The following YAF2 variants were observed in gnomAD, a reference collection of about 807,000 sequenced individuals.
The protein encoded by YAF2 is YY1-associated factor 2.
Under a neutral mutation model 20.1 loss-of-function variants are expected in YAF2, and 7 were observed. The ratio of observed to expected loss-of-function variants is 0.35; its 90% CI spans 0.20 to 0.65. YAF2 has a LOEUF of 0.65. YAF2 is among the 30% of genes least tolerant of loss of function. The pLI is 0.69. For missense variants in YAF2, 151 were observed against 219.2 expected (o/e 0.69, Z 1.96); for synonymous variants, 74 against 76.0 (o/e 0.97, Z 0.14).
chr12:42,170,017 C>T (rs147976580), intron 2 of YAF2, among the ~76,000 whole-genome samples: 14 of 151,958 alleles, frequency 9.2e-5, no homozygotes, highest in African/African-American at 1.9e-4. Flanking sequence ...ACCACAGGCA[C>T]GCATCACCAC....
At chr12:42,179,115 G>A (rs1204860919) in intron 2 of YAF2, among the ~76,000 whole-genome samples, 2 of 152,172 alleles carry the variant, frequency 1.3e-5, no homozygotes, top group South Asian at 2.1e-4. Context: ...GATTTACTTA[G>A]ACTGGGATAG....
chr12:42,226,267 C>A (rs1455729444), intron 2 of YAF2, among the ~76,000 whole-genome samples: 1 of 152,122 alleles, frequency 6.6e-6, no homozygotes, highest in Non-Finnish European at 1.5e-5. Context: ...AAAAATGAGA[C>A]CTAATAAGTG....
chr12:42,170,032 G>T (rs759555729), intron 2 of YAF2, among the ~76,000 whole-genome samples: 1 of 151,700 alleles, frequency 6.6e-6, no homozygotes, highest in Non-Finnish European at 1.5e-5. Flanking sequence ...CACCACACCT[G>T]GGTAATTTTT....
chr12:42,174,946 T>G (rs1317728807), intron 2 of YAF2, among the ~76,000 whole-genome samples: 1 of 152,204 alleles, frequency 6.6e-6, no homozygotes. Flanking sequence ...AAAGTTTTCC[T>G]CAAAGGCATA....
intron 2 of YAF2, among the ~76,000 whole-genome samples, chr12:42,202,083 G>C: frequency 6.6e-6 from 1 of 152,090 alleles, no homozygotes; most frequent in Non-Finnish European, 1.5e-5. Context: ...TTCACGTATT[G>C]CTTGAAGCAG....
intron 2 of YAF2, among the ~76,000 whole-genome samples, chr12:42,215,931 T>A (rs1433843080): frequency 3.2e-4 from 2 of 6,226 alleles, no homozygotes; most frequent in East Asian, 4.0e-3. Context: ...GCTCAAAAAA[T>A]AAATAAATAA....
intron 2 of YAF2, among the ~76,000 whole-genome samples, chr12:42,219,677 C>A (rs537257642): frequency 1.3e-5 from 2 of 152,126 alleles, no homozygotes; most frequent in African/African-American, 4.8e-5. Context: ...GAAAAGGCAG[C>A]TCAAAGTGGG....
chr12:42,237,753 G>A (rs1156527588), intron 1 of YAF2, 29 bp from the exon 2 acceptor site: 2 of 1,484,286 alleles, frequency 1.3e-6, no homozygotes, highest in Non-Finnish European at 1.8e-6. Context: ...ACACGACGCG[G>A]CGCGGGGTCA....
intron 2 of YAF2, among the ~76,000 whole-genome samples, chr12:42,180,429 G>T (rs1480057632): frequency 6.6e-6 from 1 of 152,162 alleles, no homozygotes; most frequent in African/African-American, 2.4e-5. Context: ...AAGCCTGGAA[G>T]TGAGTGATTC....
At chr12:42,190,396 A>G (rs1358571992) in intron 2 of YAF2, among the ~76,000 whole-genome samples, 1 of 152,224 alleles carries the variant, frequency 6.6e-6, no homozygotes, top group Non-Finnish European at 1.5e-5. Flanking sequence ...GTTTATATCT[A>G]TAGTTACTTC....
At chr12:42,184,608 C>T (rs977146581) in intron 2 of YAF2, among the ~76,000 whole-genome samples, 13 of 152,308 alleles carry the variant, frequency 8.5e-5, no homozygotes, top group African/African-American at 3.1e-4. Flanking sequence ...CCACGCCCGA[C>T]CCTCAAGTCT....
rs1321396799 is a variant in YAF2, at chr12:42,158,250, A to C, written c.*2339T>G. ...TTCTCCAATCTCATAGTGCACACCC[A>C]CCAGGTTCTTTAATTATGGAAAGAT... is the stretch of plus-strand genomic sequence containing the variant. On this transcript the variant is annotated 3_prime_UTR_variant, in exon 4 of 4. Transcript: ENST00000534854. 1 of 152,196 alleles carries C rather than the reference A, an allele frequency of 6.6e-6. No homozygotes were observed. Among genetic ancestry groups the C allele is most frequent in the Non-Finnish European group, 1.5e-5 (1 of 68,034 alleles). The allele number at this position is 152,196 out of a possible 1,614,324, so 9.4% of individuals were successfully genotyped here. A position where few individuals can be genotyped will look rare whatever the true frequency, so the allele number is the denominator to read the frequency against.
chr12:42,188,581 C>T (rs980646527), intron 2 of YAF2, among the ~76,000 whole-genome samples: 3 of 151,754 alleles, frequency 2.0e-5, no homozygotes, highest in Admixed American at 1.3e-4. Context: ...GACAGGGTTT[C>T]GCCATGTTTG....
intron 2 of YAF2, among the ~76,000 whole-genome samples, chr12:42,228,006 G>A (rs1387643365): frequency 1.9e-4 from 25 of 133,418 alleles, no homozygotes; most frequent in South Asian, 4.9e-4. Context: ...CAGCCGCCCC[G>A]TCCAGGAGGG....
chr12:42,209,993 T>C (rs2067160632), intron 2 of YAF2, among the ~76,000 whole-genome samples: 1 of 152,144 alleles, frequency 6.6e-6, no homozygotes, highest in Non-Finnish European at 1.5e-5. Context: ...AGACAGGGTT[T>C]CTCCATGTTG....
At chr12:42,226,487 CA>C (rs748773852) in intron 2 of YAF2, among the ~76,000 whole-genome samples, 13 of 152,062 alleles carry the variant, frequency 8.5e-5, no homozygotes, top group Non-Finnish European at 1.8e-4. Flanking sequence ...CATAGGGAGA[CA>C]CCCCCTCTCT....
intron 2 of YAF2, chr12:42,235,001 G>GA (rs1459463918): frequency 1.7e-5 from 17 of 984,932 alleles, no homozygotes; most frequent in Non-Finnish European, 1.9e-5. Context: ...AAAGAAAAAA[G>GA]AAAAAAAGAA....
intron 2 of YAF2, chr12:42,236,025 G>A: frequency 1.3e-6 from 2 of 1,534,448 alleles, no homozygotes; most frequent in Non-Finnish European, 1.7e-6. Flanking sequence ...GGCTCTTCTA[G>A]TTTCAGTATT....
Position 42,238,210 on chromosome 12 carries a change from G to A in YAF2, c.-30C>T. On this transcript the variant is annotated 5_prime_UTR_variant, in exon 1 of 4. Transcript: ENST00000534854. Reference sequence around the variant, plus strand: ...TGGCTATCACCGCACGCCGAGAGTCGCCGCCGCGACCGCTCTGTTTGTCAA... The same window carrying A: ...TGGCTATCACCGCACGCCGAGAGTCACCGCCGCGACCGCTCTGTTTGTCAA... The A allele has an allele frequency of 7.2e-7, 1 of 1,387,978 alleles. No homozygotes were observed. Among genetic ancestry groups the A allele is most frequent in the South Asian group, 1.2e-5 (1 of 80,368 alleles). The allele number at this position is 1,387,978 out of a possible 1,614,324, so 86.0% of individuals were successfully genotyped here.
Sources: gnomAD v4.1 joint callset for allele counts (sites outside exome capture counted in the v4.1 genomes callset) on GRCh38, gnomAD v4.1.1 for gene constraint, MANE v1.5 for transcripts, NCBI Gene and HGNC (gene_info 2026-07-23, HGNC 2026-07-21) for gene names.